The following SOCS5 variants were observed in gnomAD, a reference collection of about 807,000 sequenced individuals.
SOCS5 encodes the protein suppressor of cytokine signaling 5.
In SOCS5, 32 loss-of-function variants were observed where a neutral mutation model predicts 42.8. The observed-to-expected ratio is 0.75, with a 90% confidence interval of 0.56 to 1.01. The LOEUF (loss-of-function observed/expected upper bound fraction) is 1.01, where lower values mean the gene tolerates loss of function less well. Among genes scored for constraint, SOCS5 ranks in the 50% least tolerant of loss-of-function variants. The pLI is 0.00. For missense variants in SOCS5, 627 were observed against 653.0 expected (o/e 0.96, Z 0.43); for synonymous variants, 283 against 229.6 (o/e 1.23, Z -2.10).
chr2:46,733,192 T>C (rs1393147679), intron 1 of SOCS5, among the ~76,000 whole-genome samples: 1 of 152,116 alleles, frequency 6.6e-6, no homozygotes, highest in Non-Finnish European at 1.5e-5. Context: ...CCTCCCGGGT[T>C]CAAGTGATGC....
chr2:46,704,324 A>G (rs950091195), intron 1 of SOCS5, among the ~76,000 whole-genome samples: 8 of 152,222 alleles, frequency 5.3e-5, no homozygotes, highest in African/African-American at 1.9e-4. Flanking sequence ...ATTTCAAGCA[A>G]TTTTAAAGGG....
intron 1 of SOCS5, 33 bp from the exon 2 acceptor site, chr2:46,758,485 AT>A: frequency 6.9e-7 from 1 of 1,453,286 alleles, no homozygotes; most frequent in Non-Finnish European, 9.4e-7. Context: ...ACTTTGATTA[AT>A]TTATTTTTCT....
chr2:46,758,479 T>C (rs1357105383), intron 1 of SOCS5, 40 bp from the exon 2 acceptor site: 3 of 1,411,556 alleles, frequency 2.1e-6, no homozygotes, highest in Admixed American at 2.1e-5. Context: ...CATGCTACTT[T>C]GATTAATTTA....
In SOCS5 at chr2:46,725,304, C is replaced by A. The variant is rs1290401458; in HGVS notation, c.-13+25855C>A. ...TGGCATACAATTGGGTCATCCTTTT[C>A]AAAAAAATCTAATAATTTTGTCTTT... is the stretch of plus-strand genomic sequence containing the variant. On this transcript the variant is annotated intron_variant, in intron 1 of 1. Transcript: ENST00000394861. Among the ~76,000 whole-genome samples the A allele has an allele frequency of 2.0e-5, 3 of 151,806 alleles. No homozygotes were observed. In the East Asian group the frequency reaches 5.8e-4, roughly 29 times the overall value.
At chr2:46,753,460 T>C (rs1346755948) in intron 1 of SOCS5, among the ~76,000 whole-genome samples, 1 of 152,214 alleles carries the variant, frequency 6.6e-6, no homozygotes, top group Middle Eastern at 3.2e-3. Flanking sequence ...CCTTAAGTAG[T>C]TTATTCTAAT....
At chr2:46,736,985 A>G (rs1323063306) in intron 1 of SOCS5, among the ~76,000 whole-genome samples, 1 of 152,132 alleles carries the variant, frequency 6.6e-6, no homozygotes, top group African/African-American at 2.4e-5. Context: ...TGAATTTCAG[A>G]TTTTTGGATT....
At chr2:46,747,584 T>G (rs974388533) in intron 1 of SOCS5, among the ~76,000 whole-genome samples, 5 of 152,190 alleles carry the variant, frequency 3.3e-5, no homozygotes, top group African/African-American at 1.2e-4. Flanking sequence ...TGTGTCCATG[T>G]AGTCTGTGGC....
chr2:46,746,691 A>C (rs145627948), intron 1 of SOCS5, among the ~76,000 whole-genome samples: 1 of 151,358 alleles, frequency 6.6e-6, no homozygotes, highest in Non-Finnish European at 1.5e-5. Flanking sequence ...TTAAGGTTAT[A>C]TATTTTTGTT....
At chr2:46,752,651 A>G (rs1249119240) in intron 1 of SOCS5, among the ~76,000 whole-genome samples, 1 of 152,178 alleles carries the variant, frequency 6.6e-6, no homozygotes, top group Non-Finnish European at 1.5e-5. Flanking sequence ...ACAAGTAGCT[A>G]TAGTTGATCA....
At chr2:46,719,872 C>G (rs768174466) in intron 1 of SOCS5, among the ~76,000 whole-genome samples, 5 of 152,134 alleles carry the variant, frequency 3.3e-5, no homozygotes, top group Non-Finnish European at 7.3e-5. Flanking sequence ...TCGGCAGTCG[C>G]AGATCCAGAA....
At chr2:46,710,277 A>G (rs139883986) in intron 1 of SOCS5, among the ~76,000 whole-genome samples, 2,871 of 152,026 alleles carry the variant, frequency 0.019, 75 homozygotes, top group African/African-American at 0.061. Context: ...CTCCTGAGTA[A>G]CTGGGATTAC....
intron 1 of SOCS5, among the ~76,000 whole-genome samples, chr2:46,738,106 A>G (rs1347719540): frequency 6.6e-6 from 1 of 152,202 alleles, no homozygotes; most frequent in African/African-American, 2.4e-5. Context: ...TAGAGGGCCA[A>G]CTAAGGGAGG....
At chr2:46,731,901 G>A (rs1673132173) in intron 1 of SOCS5, among the ~76,000 whole-genome samples, 2 of 152,222 alleles carry the variant, frequency 1.3e-5, no homozygotes, top group South Asian at 2.1e-4. Context: ...CCTGAAGTTT[G>A]CATGTGAAGG....
intron 1 of SOCS5, among the ~76,000 whole-genome samples, chr2:46,719,503 G>T (rs1672831109): frequency 6.6e-6 from 1 of 151,656 alleles, no homozygotes. Flanking sequence ...TTTTGATCTT[G>T]CTTTCTCAGC....
intron 1 of SOCS5, among the ~76,000 whole-genome samples, chr2:46,700,081 C>G (rs1483871027): frequency 1.3e-5 from 2 of 152,112 alleles, no homozygotes; most frequent in African/African-American, 4.8e-5. Context: ...TCCTAAGAGT[C>G]TTTGATGTGG....
At chr2:46,728,971 A>C (rs911579274) in intron 1 of SOCS5, among the ~76,000 whole-genome samples, 1 of 152,208 alleles carries the variant, frequency 6.6e-6, no homozygotes, top group African/African-American at 2.4e-5. Context: ...TGTTAGACAC[A>C]CAAAATTTCT....
At chr2:46,742,020 C>T (rs1673390111) in intron 1 of SOCS5, among the ~76,000 whole-genome samples, 1 of 152,144 alleles carries the variant, frequency 6.6e-6, no homozygotes, top group African/African-American at 2.4e-5. Flanking sequence ...TGTGACAATG[C>T]TACTTTCTCA....
intron 1 of SOCS5, among the ~76,000 whole-genome samples, chr2:46,752,499 T>G (rs933070937): frequency 2.0e-5 from 3 of 152,212 alleles, no homozygotes; most frequent in African/African-American, 7.2e-5. Flanking sequence ...TTTTGTATCT[T>G]TATTATATAT....
chr2:46,719,549 TC>T (rs1350705388), intron 1 of SOCS5, among the ~76,000 whole-genome samples: 1 of 152,196 alleles, frequency 6.6e-6, no homozygotes. Context: ...GGTGTGGATG[TC>T]CTTATGTTAA....
Sources: allele counts gnomAD v4.1 joint callset (sites outside exome capture counted in the v4.1 genomes callset), GRCh38; gene constraint gnomAD v4.1.1; transcripts MANE v1.5; gene names NCBI Gene and HGNC (gene_info 2026-07-23, HGNC 2026-07-21).